Variants in NUBPL observed in about 807,000 individuals in gnomAD.
NUBPL encodes the protein iron-sulfur cluster transfer protein NUBPL.
NUBPL carries 31 observed loss-of-function variants against 45.7 expected under a neutral mutation model. The ratio of observed to expected loss-of-function variants is 0.68; its 90% CI spans 0.51 to 0.92. The LOEUF (loss-of-function observed/expected upper bound fraction) is 0.92. NUBPL is among the 40% of genes least tolerant of loss of function. The pLI is 0.00. For synonymous variants in NUBPL, 144 were observed against 140.9 expected, an observed-to-expected ratio of 1.02 and a Z score of -0.15; for missense variants, 401 against 398.7, an observed-to-expected ratio of 1.01 and a Z score of -0.05.
intron 3 of NUBPL, among the ~76,000 whole-genome samples, chr14:31,585,217 A>C (rs2033964730): frequency 6.6e-6 from 1 of 152,066 alleles, no homozygotes. Flanking sequence ...ATACACTAAC[A>C]CTAGCGATAG....
intron 7 of NUBPL, among the ~76,000 whole-genome samples, chr14:31,809,413 T>C (rs999354403): frequency 2.0e-5 from 3 of 152,226 alleles, no homozygotes; most frequent in Non-Finnish European, 4.4e-5. Flanking sequence ...TAGAGGTGTT[T>C]ATAGTATTCT....
At chr14:31,657,993 A>G (rs765644553) in intron 4 of NUBPL, among the ~76,000 whole-genome samples, 11 of 152,224 alleles carry the variant, frequency 7.2e-5, no homozygotes, top group Non-Finnish European at 1.5e-4. Context: ...ATTGAGAATA[A>G]CAGAAATCTA....
intron 3 of NUBPL, among the ~76,000 whole-genome samples, chr14:31,590,076 A>G (rs956936915): frequency 2.4e-4 from 36 of 152,124 alleles, no homozygotes; most frequent in African/African-American, 8.2e-4. Context: ...AAACTACTCC[A>G]CATCCTTTGA....
intron 6 of NUBPL, among the ~76,000 whole-genome samples, chr14:31,676,998 A>T (rs945894301): frequency 5.9e-5 from 9 of 151,860 alleles, no homozygotes; most frequent in African/African-American, 2.2e-4. Flanking sequence ...GGTTATAATG[A>T]TAAGAATGTA....
intron 6 of NUBPL, among the ~76,000 whole-genome samples, chr14:31,729,279 C>A (rs958458021): frequency 2.4e-4 from 19 of 78,460 alleles, no homozygotes; most frequent in African/African-American, 5.4e-4. Context: ...GCTCCATCCC[C>A]CCCCCCCCCA....
chr14:31,843,047 G>A (rs1391631626), intron 8 of NUBPL, among the ~76,000 whole-genome samples: 2 of 152,114 alleles, frequency 1.3e-5, no homozygotes, highest in African/African-American at 4.8e-5. Context: ...TTTGTCTCAT[G>A]CTCTGTGTCC....
At chr14:31,752,769 T>C (rs949388181) in intron 6 of NUBPL, among the ~76,000 whole-genome samples, 4 of 152,218 alleles carry the variant, frequency 2.6e-5, no homozygotes, top group Middle Eastern at 3.2e-3. Flanking sequence ...ATTAGTCTGT[T>C]TTCATACTGC....
intron 6 of NUBPL, among the ~76,000 whole-genome samples, chr14:31,698,263 A>G (rs550003103): frequency 1.3e-5 from 2 of 152,090 alleles, no homozygotes; most frequent in East Asian, 1.9e-4. Flanking sequence ...GATATAGTCA[A>G]TGTTTTCCTT....
At chr14:31,630,707 G>A (rs1444108785) in intron 4 of NUBPL, among the ~76,000 whole-genome samples, 1 of 152,032 alleles carries the variant, frequency 6.6e-6, no homozygotes, top group Non-Finnish European at 1.5e-5. Context: ...TAGTGTCAAG[G>A]GCTAATTTAC....
chr14:31,800,518 T>A (rs561887203), intron 7 of NUBPL, among the ~76,000 whole-genome samples: 1 of 152,332 alleles, frequency 6.6e-6, no homozygotes, highest in African/African-American at 2.4e-5. Flanking sequence ...CCACAAAATG[T>A]GTCTATGCTG....
chr14:31,614,871 T>G (rs1723268263), intron 4 of NUBPL, among the ~76,000 whole-genome samples: 1 of 152,186 alleles, frequency 6.6e-6, no homozygotes, highest in African/African-American at 2.4e-5. Context: ...TGTGTAAACC[T>G]AGAGATGGTA....
intron 4 of NUBPL, among the ~76,000 whole-genome samples, chr14:31,621,048 C>T (rs946454054): frequency 6.6e-6 from 1 of 152,188 alleles, no homozygotes; most frequent in Non-Finnish European, 1.5e-5. Flanking sequence ...GGGCTCCACC[C>T]ACTTCAAACT....
intron 6 of NUBPL, among the ~76,000 whole-genome samples, chr14:31,758,641 T>A (rs2038728444): frequency 1.3e-5 from 2 of 152,142 alleles, no homozygotes; most frequent in Admixed American, 1.3e-4. Flanking sequence ...ATATTTTCAA[T>A]TATATCTCCC....
intron 4 of NUBPL, among the ~76,000 whole-genome samples, chr14:31,603,299 GA>G (rs529470069): frequency 0.092 from 5,246 of 57,018 alleles, 91 homozygotes; most frequent in Non-Finnish European, 0.11. Context: ...GATCCTGTCT[GA>G]AAAAAAAAAA....
At chr14:31,826,794 G>C in intron 8 of NUBPL, 80 bp downstream of exon 8, 1 of 1,354,980 alleles carries the variant, frequency 7.4e-7, no homozygotes, top group Non-Finnish European at 1.1e-6. Flanking sequence ...TACAGTTGAA[G>C]TTTTAATTTA....
chr14:31,698,227 A>T (rs1253559734), intron 6 of NUBPL, among the ~76,000 whole-genome samples: 3 of 152,122 alleles, frequency 2.0e-5, no homozygotes, highest in Non-Finnish European at 2.9e-5. Flanking sequence ...TGTATCTTCC[A>T]ATCTATGGTG....
chr14:31,656,136 A>G (rs940561890), intron 4 of NUBPL, among the ~76,000 whole-genome samples: 1 of 151,894 alleles, frequency 6.6e-6, no homozygotes, highest in Non-Finnish European at 1.5e-5. Context: ...CTACCTTCCA[A>G]CTTTTCTTCT....
At chr14:31,702,501 G>A (rs2037362255) in intron 6 of NUBPL, among the ~76,000 whole-genome samples, 2 of 152,158 alleles carry the variant, frequency 1.3e-5, no homozygotes, top group Non-Finnish European at 2.9e-5. Context: ...AATTATCTTG[G>A]GGCCTTTTGG....
chr14:31,822,782 A>G (rs1416492976), intron 7 of NUBPL, among the ~76,000 whole-genome samples: 1 of 152,178 alleles, frequency 6.6e-6, no homozygotes, highest in African/African-American at 2.4e-5. Flanking sequence ...ATTTGACAGG[A>G]CATGGAAGAT....
Sources: allele counts gnomAD v4.1 joint callset (sites outside exome capture counted in the v4.1 genomes callset), GRCh38; gene constraint gnomAD v4.1.1; transcripts MANE v1.5; gene names NCBI Gene and HGNC (gene_info 2026-07-23, HGNC 2026-07-21).